PGAP1: variants seen among roughly 807,000 people sequenced by gnomAD.
PGAP1 encodes the protein GPI inositol-deacylase.
A neutral mutation model predicts 127.0 loss-of-function variants in PGAP1; 76 were observed. The observed-to-expected ratio is 0.60, with a 90% confidence interval of 0.50 to 0.72. The LOEUF (loss-of-function observed/expected upper bound fraction) is 0.72. Among genes scored for constraint, PGAP1 ranks in the 30% least tolerant of loss-of-function variants. The probability of loss-of-function intolerance (pLI) is 0.00; values close to 1 mark genes in which losing one functional copy is unlikely to be tolerated. For missense variants in PGAP1, 982 were observed against 1,071.3 expected (o/e 0.92, Z 1.16); for synonymous variants, 362 against 366.5 (o/e 0.99, Z 0.14).
In PGAP1 at chr2:196,890,846, A is replaced by C. The variant is rs1430249191; in HGVS notation, c.1155T>G (p.Tyr385Ter). 1.9e-6 allele frequency: 3 copies of C among 1,539,320 alleles called. No individual in the cohort carries two copies. Among genetic ancestry groups the C allele is most frequent in the Non-Finnish European group, 2.7e-6 (3 of 1,112,582 alleles). ...ENHRKIYTHV[Y>*]CQSTMLDTNS... is the part of the protein sequence containing the mutation. ...ATCTTACCAGCATAGTGCTCTGACA[A>C]TAGACATGAGTGTAGATTTTTCTAT... The change falls in exon 10 of 27, where the codon TAT becomes TAG. Residue 385 changes from tyrosine (Y) to a stop codon, truncating the protein, a stop_gained. Coordinates refer to ENST00000354764, the MANE Select transcript of PGAP1 (RefSeq NM_024989.4). LOFTEE classifies it high-confidence loss of function.
In PGAP1 at chr2:196,918,215, T is replaced by C. The variant is rs988291193; in HGVS notation, c.302-1622A>G. ...TTAAAAATTTAATGTCTGACAATTC[T>C]GGTGTTGTAAAAGGATGTGGAGCAA... is the stretch of plus-strand genomic sequence containing the variant. On this transcript the variant is annotated intron_variant, in intron 2 of 26. Transcript: ENST00000354764. Among the ~76,000 whole-genome samples the C allele has an allele frequency of 2.6e-5, 4 of 152,154 alleles. No individual in the cohort carries two copies. The South Asian group carries it at 8.3e-4, about 32-fold the overall frequency.
intron 9 of PGAP1, 33 bp from the exon 10 acceptor site, chr2:196,890,944 G>A (rs774722374): frequency 5.7e-6 from 6 of 1,056,220 alleles, no homozygotes; most frequent in South Asian, 3.9e-5. Flanking sequence ...CAATATAGCT[G>A]TAATGAGCAG....
intron 20 of PGAP1, among the ~76,000 whole-genome samples, chr2:196,864,481 G>T (rs1472977228): frequency 6.9e-6 from 1 of 145,926 alleles, no homozygotes; most frequent in African/African-American, 2.6e-5. Flanking sequence ...TAAATGTTTT[G>T]CCCCTTTTTA....
Position 196,833,492 on chromosome 2 carries a change from AAC to A in PGAP1, c.*7740_*7741del, listed in dbSNP as rs1298750626. 1 of 152,156 alleles carries A rather than the reference AAC, an allele frequency of 6.6e-6. No homozygotes were observed. Among genetic ancestry groups the A allele is most frequent in the Admixed American group, 6.5e-5 (1 of 15,270 alleles). The allele number at this position is 152,156 out of a possible 1,614,324, so 9.4% of individuals were successfully genotyped here. ...ATGATTACTGAGTCTATCTCAGCAT[AAC>A]ACATAGGTTGTCCTCTATAAATTTT... On this transcript the variant is annotated 3_prime_UTR_variant, in exon 27 of 27. Transcript: ENST00000354764.
chr2:196,909,902 G>A (rs1702780107), intron 4 of PGAP1, among the ~76,000 whole-genome samples: 1 of 5,958 alleles, frequency 1.7e-4, no homozygotes, highest in Non-Finnish European at 2.6e-4. Context: ...TACAAGGGAT[G>A]TGAAGGACCT....
intron 24 of PGAP1, 47 bp downstream of exon 24, chr2:196,844,477 T>G (rs748878294): frequency 7.5e-6 from 10 of 1,336,382 alleles, no homozygotes; most frequent in African/African-American, 1.5e-5. Flanking sequence ...TATTTCCCCA[T>G]GTTCTTTCAT....
intron 21 of PGAP1, 56 bp from the exon 22 acceptor site, chr2:196,847,256 T>G: frequency 7.4e-7 from 1 of 1,348,604 alleles, no homozygotes; most frequent in Non-Finnish European, 1.0e-6. Context: ...ATTTAAGGAC[T>G]TAATATTTGA....
rs771417090 is a variant in PGAP1 at position 196,926,482 on chromosome 2, G to A, written c.135C>T (p.Tyr45=). 14 of 1,604,298 alleles carry A rather than the reference G, an allele frequency of 8.7e-6. No homozygotes were observed. The East Asian group carries it at 2.5e-4, about 29-fold the overall frequency. The change falls in exon 1 of 27, where the codon TAC becomes TAT. Residue 45 remains tyrosine (Y), a synonymous_variant. Coordinates refer to ENST00000354764, the MANE Select transcript of PGAP1 (RefSeq NM_024989.4). ...GGCAGAACCTTACCTGATACTCCGGGTACTCAAACATGTAGCTCATACTGC... is the reference window on the plus strand; with the variant it reads ...GGCAGAACCTTACCTGATACTCCGGATACTCAAACATGTAGCTCATACTGC... ...NKCSMSYMFE[Y]PEYQKIELPK...
In PGAP1 at chr2:196,836,251, A is replaced by G. The variant is rs73062975; in HGVS notation, c.*4983T>C. Reference sequence around the variant, plus strand: ...CACAGATTGTTTTTGGCAGCATAACATGCCAAACACTTTCAGAAAGTCCTG... The same window carrying G: ...CACAGATTGTTTTTGGCAGCATAACGTGCCAAACACTTTCAGAAAGTCCTG... On this transcript the variant is annotated 3_prime_UTR_variant, in exon 27 of 27. Transcript: ENST00000354764. The G allele has an allele frequency of 0.1, 15,561 of 152,550 alleles. 964 individuals carry two copies. The highest frequency in any genetic ancestry group is 0.17 in the African/African-American group (7,176 of 41,536). 9.4% of individuals were successfully genotyped at this position (152,550 alleles called of 1,614,324 possible). A position where few individuals can be genotyped will look rare whatever the true frequency, so the allele number is the denominator to read the frequency against.
In PGAP1 at chr2:196,836,344, T is replaced by C. The variant is rs1194072494; in HGVS notation, c.*4890A>G. On this transcript the variant is annotated 3_prime_UTR_variant, in exon 27 of 27. Transcript: ENST00000354764. The stretch of plus-strand genomic sequence containing the variant: ...TTAGAATATCACCTTTTGAAGGACA[T>C]GTTATGAATTTACACTGTTAATGGA... The C allele has an allele frequency of 6.6e-6, 1 of 152,502 alleles. No individual in the cohort carries two copies. Among genetic ancestry groups the C allele is most frequent in the Non-Finnish European group, 1.5e-5 (1 of 67,954 alleles). 9.4% of individuals were successfully genotyped at this position (152,502 alleles called of 1,614,324 possible).
In PGAP1 at chr2:196,841,190, G is replaced by A; in HGVS notation, c.*44C>T. 1.3e-6 allele frequency: 2 copies of A among 1,581,128 alleles called. No homozygotes were observed. Among genetic ancestry groups the A allele is most frequent in the Non-Finnish European group, 1.7e-6 (2 of 1,160,768 alleles). ...ATCTGTGTGTTCCCTCTTATCACTG[G>A]CCCTAAACACATAAATTATCTTCAT... On this transcript the variant is annotated 3_prime_UTR_variant, in exon 27 of 27. Transcript: ENST00000354764.
intron 1 of PGAP1, among the ~76,000 whole-genome samples, chr2:196,921,513 TAAGAGAACA>T (rs1271937300): frequency 6.6e-6 from 1 of 152,032 alleles, no homozygotes; most frequent in Non-Finnish European, 1.5e-5. Flanking sequence ...AAAGAAAACA[TAAGAGAACA>T]AAGAAATAGT....
In PGAP1 at chr2:196,833,172, AAC is replaced by A. The variant is rs1274777445; in HGVS notation, c.*8060_*8061del. 1.3e-5 allele frequency: 2 copies of A among 152,606 alleles called. No homozygotes were observed. The highest frequency in any genetic ancestry group is 1.5e-5 in the Non-Finnish European group (1 of 68,034). The allele number at this position is 152,606 out of a possible 1,614,324, so 9.5% of individuals were successfully genotyped here. A position where few individuals can be genotyped will look rare whatever the true frequency, so the allele number is the denominator to read the frequency against. ...CTCAAACACAGGTAAAAACATTCAC[AAC>A]ACACTCTACAGAATATAGTAAGTAG... On this transcript the variant is annotated 3_prime_UTR_variant, in exon 27 of 27. Transcript: ENST00000354764.
At chr2:196,860,690 C>G (rs72920814) in intron 20 of PGAP1, among the ~76,000 whole-genome samples, 1 of 151,888 alleles carries the variant, frequency 6.6e-6, no homozygotes, top group Non-Finnish European at 1.5e-5. Flanking sequence ...AAAAGACACA[C>G]GAAAAAATAG....
intron 13 of PGAP1, among the ~76,000 whole-genome samples, chr2:196,876,668 G>T (rs1409060666): frequency 2.0e-5 from 3 of 152,060 alleles, no homozygotes; most frequent in Non-Finnish European, 2.9e-5. Flanking sequence ...CAAGTAGTTT[G>T]CTGTCTACAA....
intron 20 of PGAP1, among the ~76,000 whole-genome samples, chr2:196,858,751 A>G (rs949983956): frequency 6.6e-6 from 1 of 152,166 alleles, no homozygotes; most frequent in African/African-American, 2.4e-5. Context: ...GGAAAAACAA[A>G]AAGATCAACA....
intron 4 of PGAP1, among the ~76,000 whole-genome samples, chr2:196,905,154 T>C (rs1263446332): frequency 6.6e-6 from 1 of 152,140 alleles, no homozygotes; most frequent in Non-Finnish European, 1.5e-5. Context: ...ATAAAACCTA[T>C]TGAGGGTGCA....
At chr2:196,865,662 T>C (rs1701216300) in intron 19 of PGAP1, among the ~76,000 whole-genome samples, 1 of 152,214 alleles carries the variant, frequency 6.6e-6, no homozygotes. Flanking sequence ...AAATGTTAAT[T>C]GCTTTATTAA....
intron 5 of PGAP1, among the ~76,000 whole-genome samples, chr2:196,900,037 TCAAAA>T (rs777791336): frequency 1.3e-5 from 2 of 152,184 alleles, no homozygotes; most frequent in East Asian, 1.9e-4. Flanking sequence ...AAACTCCGTC[TCAAAA>T]CAAAACAAAA....
Sources: allele counts gnomAD v4.1 joint callset (sites outside exome capture counted in the v4.1 genomes callset), GRCh38; gene constraint gnomAD v4.1.1; transcripts MANE v1.5; gene names NCBI Gene and HGNC (gene_info 2026-07-23, HGNC 2026-07-21).